The following FKBP7 variants were observed in gnomAD, a reference collection of about 807,000 sequenced individuals.
FKBP7 encodes the protein FKBP prolyl isomerase 7.
Under a neutral mutation model 24.3 loss-of-function variants are expected in FKBP7, and 24 were observed. That is an observed-to-expected ratio of 0.99 (90% CI 0.72 to 1.39). The LOEUF is 1.39. Among genes scored for constraint, FKBP7 ranks in the 40% most tolerant of loss-of-function variants. The pLI is 0.00. For synonymous variants in FKBP7, 98 were observed against 92.8 expected (o/e 1.06, Z -0.32); for missense variants, 257 against 269.5 (o/e 0.95, Z 0.33).
At chr2:178,467,510 C>A (rs77574696) in intron 3 of FKBP7, among the ~76,000 whole-genome samples, 1 of 152,038 alleles carries the variant, frequency 6.6e-6, no homozygotes, top group Non-Finnish European at 1.5e-5. Context: ...GCAAATTAAC[C>A]TCTCTGAACC....
At chr2:178,474,879 T>G (rs7598228) in intron 2 of FKBP7, among the ~76,000 whole-genome samples, 48,886 of 152,030 alleles carry the variant, frequency 0.32, 9,961 homozygotes, top group East Asian at 0.67. Flanking sequence ...GTAGAGATTG[T>G]GTCTCCCTAC....
intron 2 of FKBP7, 46 bp downstream of exon 2, chr2:178,477,016 T>G: frequency 7.2e-7 from 1 of 1,395,828 alleles, no homozygotes; most frequent in Admixed American, 2.2e-5. Context: ...CTATTAATCA[T>G]TTTTTAAATA....
rs1453811449 is a variant in FKBP7 at position 178,463,787 on chromosome 2, A to T, written c.*1983T>A. On this transcript the variant is annotated 3_prime_UTR_variant, in exon 4 of 4. Coordinates refer to ENST00000424785, the MANE Select transcript of FKBP7 (RefSeq NM_181342.3). ...AAAAACAAGTTTAAAAGCACTTTGT[A>T]TGATAATGGGACAAAAAAATTAGAA... 6.6e-6 allele frequency: 1 copy of T among 152,218 alleles called. No individual in the cohort carries two copies. Among genetic ancestry groups the T allele is most frequent in the African/African-American group, 2.4e-5 (1 of 41,444 alleles). The allele number at this position is 152,218 out of a possible 1,614,324, so 9.4% of individuals were successfully genotyped here. A position where few individuals can be genotyped will look rare whatever the true frequency, so the allele number is the denominator to read the frequency against.
chr2:178,477,074 T>A lies in FKBP7; in HGVS notation c.361A>T (p.Lys121Ter), dbSNP rs1241508796. 6.3e-7 allele frequency: 1 copy of A among 1,594,284 alleles called. No individual in the cohort carries two copies. Among genetic ancestry groups the A allele is most frequent in the South Asian group, 1.2e-5 (1 of 86,884 alleles). Residue 121 changes from lysine (K) to a stop codon, truncating the protein, a stop_gained, in exon 2 of 4, where the codon AAG becomes TAG. Coordinates refer to ENST00000424785, the MANE Select transcript of FKBP7 (RefSeq NM_181342.3). LOFTEE classifies it high-confidence loss of function. Reference protein sequence around the residue: ...VVIPPSFAYGKEGYAEGKIPP... With the variant: ...VVIPPSFAYG ...TTAAACATCTTACCATAGCCTTCCTTTCCGTATGCAAATGAAGGGGGTATA... is the reference window on the plus strand; with the variant it reads ...TTAAACATCTTACCATAGCCTTCCTATCCGTATGCAAATGAAGGGGGTATA...
rs1164701822 is a variant in FKBP7 at position 178,469,599 on chromosome 2, T to A, written c.507+53A>T. ...AAGTAATAGTTGTAACACAGATGTA[T>A]TTAAACTGTGATAAAAAAATTAGAC... On this transcript the variant is annotated intron_variant, in intron 3 of 3. Transcript: ENST00000424785. The A allele has an allele frequency of 3.8e-6, 6 of 1,590,938 alleles. No individual in the cohort carries two copies. The East Asian group carries it at 1.3e-4, about 36-fold the overall frequency.
At chr2:178,478,014 G>T (rs1280552634) in intron 1 of FKBP7, among the ~76,000 whole-genome samples, 1 of 152,170 alleles carries the variant, frequency 6.6e-6, no homozygotes, top group Non-Finnish European at 1.5e-5. Context: ...GAGGTCCCAA[G>T]GGTAATGGTG....
In FKBP7 at chr2:178,478,475, A is replaced by G. The variant is rs139058251; in HGVS notation, c.25T>C (p.Phe9Leu). The change falls in exon 1 of 4, where the codon TTC becomes CTC. Residue 9 changes from phenylalanine to leucine, a missense_variant. Transcript: ENST00000424785. ...AGATAAAAGAAAACAATGAATCTGA[A>G]TAAGAAATGCATGGTTTTTGGCATC... MPKTMHFL[F>L]RFIVFFYLWG... The G allele has an allele frequency of 9.4e-5, 152 of 1,614,186 alleles. No individual in the cohort carries two copies. The African/African-American group carries it at 1.9e-3, about 20-fold the overall frequency.
intron 3 of FKBP7, among the ~76,000 whole-genome samples, chr2:178,468,654 C>T (rs1480243780): frequency 6.6e-6 from 1 of 152,010 alleles, no homozygotes; most frequent in Non-Finnish European, 1.5e-5. Context: ...AATGTAAGAA[C>T]AGTCATGAAG....
intron 2 of FKBP7, among the ~76,000 whole-genome samples, chr2:178,474,390 A>G (rs895003311): frequency 1.3e-5 from 2 of 152,212 alleles, no homozygotes; most frequent in African/African-American, 4.8e-5. Flanking sequence ...TTAATTTTGG[A>G]AAAATTAATA....
intron 1 of FKBP7, among the ~76,000 whole-genome samples, chr2:178,477,769 A>C (rs909162150): frequency 1.3e-5 from 2 of 152,190 alleles, no homozygotes; most frequent in Non-Finnish European, 2.9e-5. Context: ...CTGAGTAATA[A>C]GCCATCAATT....
At chr2:178,467,966 CCTTCTT>C (rs373179747) in intron 3 of FKBP7, 7 of 152,282 alleles carry the variant, frequency 4.6e-5, no homozygotes, top group African/African-American at 1.7e-4. Context: ...CGGTAACTGC[CCTTCTT>C]CTTAAGAACA....
chr2:178,466,301 T>C (rs1033543811), intron 3 of FKBP7, among the ~76,000 whole-genome samples: 10 of 152,170 alleles, frequency 6.6e-5, no homozygotes, highest in African/African-American at 1.9e-4. Flanking sequence ...TTCTATAATC[T>C]CTAAAACTAA....
intron 2 of FKBP7, among the ~76,000 whole-genome samples, chr2:178,470,903 C>T (rs1684831237): frequency 6.6e-6 from 1 of 151,970 alleles, no homozygotes; most frequent in Non-Finnish European, 1.5e-5. Flanking sequence ...TTTGAGACGG[C>T]GTCTCACTCT....
rs927868183 is a variant in FKBP7, at chr2:178,464,445, G to A, written c.*1325C>T. On this transcript the variant is annotated 3_prime_UTR_variant, in exon 4 of 4. Transcript: ENST00000424785. ...CCTCAGGAAGCTTACAATCATGGTG[G>A]AAGGCGGGGAAGCAAGGACTTTCTT... 1 of 152,236 alleles carries A rather than the reference G, an allele frequency of 6.6e-6. No homozygotes were observed. Among genetic ancestry groups the A allele is most frequent in the African/African-American group, 2.4e-5 (1 of 41,442 alleles). The allele number at this position is 152,236 out of a possible 1,614,324, so 9.4% of individuals were successfully genotyped here. A position where few individuals can be genotyped will look rare whatever the true frequency, so the allele number is the denominator to read the frequency against.
intron 3 of FKBP7, 132 bp from the exon 4 acceptor site, chr2:178,466,063 G>C: frequency 1.4e-6 from 1 of 709,038 alleles, no homozygotes; most frequent in Non-Finnish European, 2.1e-6. Context: ...AGTATGAAAA[G>C]CTATTTGAGG....
intron 2 of FKBP7, chr2:178,472,916 TTA>T (rs1491135251): frequency 4.8e-4 from 127 of 266,836 alleles, no homozygotes; most frequent in Non-Finnish European, 5.9e-4. Flanking sequence ...TTTTTTTTTT[TTA>T]AAAAAAACTA....
At position 178,467,883 on chromosome 2, in the gene FKBP7, A is replaced by G. The variant is rs1490202578; in HGVS notation, c.507+1769T>C. On this transcript the variant is annotated intron_variant, in intron 3 of 3. Coordinates refer to ENST00000424785, the MANE Select transcript of FKBP7 (RefSeq NM_181342.3). ...TTGGGTACTATGCGAATTCATCTGC[A>G]GCTGCTATTCACTCTAAAAAAGGGT... 9 of 152,224 alleles carry G rather than the reference A, an allele frequency of 5.9e-5. No individual in the cohort carries two copies. The South Asian group carries it at 6.2e-4, about 11-fold the overall frequency. The allele number at this position is 152,224 out of a possible 1,614,324, so 9.4% of individuals were successfully genotyped here. A position where few individuals can be genotyped will look rare whatever the true frequency, so the allele number is the denominator to read the frequency against.
intron 2 of FKBP7, among the ~76,000 whole-genome samples, chr2:178,475,291 G>A (rs979495531): frequency 1.3e-5 from 2 of 151,834 alleles, no homozygotes; most frequent in East Asian, 1.9e-4. Context: ...GTGCAGTGGC[G>A]CAATCTTGGC....
Position 178,465,272 on chromosome 2 carries a change from G to A in FKBP7, c.*498C>T, listed in dbSNP as rs1390560994. The A allele has an allele frequency of 1.3e-5, 2 of 152,174 alleles. No homozygotes were observed. The highest frequency in any genetic ancestry group is 2.4e-5 in the African/African-American group (1 of 41,430). The allele number at this position is 152,174 out of a possible 1,614,324, so 9.4% of individuals were successfully genotyped here. A position where few individuals can be genotyped will look rare whatever the true frequency, so the allele number is the denominator to read the frequency against. On this transcript the variant is annotated 3_prime_UTR_variant, in exon 4 of 4. Coordinates refer to ENST00000424785, the MANE Select transcript of FKBP7 (RefSeq NM_181342.3). ...CTATCTTCCTGCACATATACCAAAG[G>A]AAGACTCTTCAGTTCTAGGATTTTT...
Sources: gnomAD v4.1 joint callset for allele counts (sites outside exome capture counted in the v4.1 genomes callset) on GRCh38, gnomAD v4.1.1 for gene constraint, MANE v1.5 for transcripts, NCBI Gene and HGNC (gene_info 2026-07-23, HGNC 2026-07-21) for gene names.